The following TMCC1 variants were observed in gnomAD, a reference collection of about 807,000 sequenced individuals.
TMCC1 encodes transmembrane and coiled-coil domains protein 1.
In TMCC1, 15 loss-of-function variants were observed where a neutral mutation model predicts 52.4. That is an observed-to-expected ratio of 0.29 (90% CI 0.19 to 0.44). The LOEUF (loss-of-function observed/expected upper bound fraction) is 0.44, where lower values mean the gene tolerates loss of function less well. TMCC1 is among the 20% of genes least tolerant of loss of function. The pLI is 1.00. For missense variants in TMCC1, 503 were observed against 806.0 expected (o/e 0.62, Z 4.55); for synonymous variants, 279 against 301.9 (o/e 0.92, Z 0.79).
At chr3:129,724,967 C>T (rs2049956602) in intron 4 of TMCC1, among the ~76,000 whole-genome samples, 2 of 152,192 alleles carry the variant, frequency 1.3e-5, no homozygotes, top group South Asian at 4.1e-4. Context: ...TTTCAAGATA[C>T]ACTAGCTTTG....
intron 4 of TMCC1, among the ~76,000 whole-genome samples, chr3:129,735,321 A>AACACAT (rs566960946): frequency 1.0e-3 from 155 of 152,294 alleles, no homozygotes; most frequent in African/African-American, 3.3e-3. Context: ...ATGTTAGCTA[A>AACACAT]ACACACTTCG....
chr3:129,821,110 T>C (rs554744084), intron 4 of TMCC1, among the ~76,000 whole-genome samples: 1 of 152,356 alleles, frequency 6.6e-6, no homozygotes, highest in East Asian at 1.9e-4. Flanking sequence ...TACCGACTTT[T>C]TGACAGCCTG....
intron 4 of TMCC1, chr3:129,688,247 G>A (rs1315448054): frequency 1.0e-6 from 1 of 984,890 alleles, no homozygotes; most frequent in African/African-American, 1.7e-5. Flanking sequence ...TGCACTGCCA[G>A]AGAAAGCTTG....
chr3:129,882,424 C>T (rs939534003), intron 1 of TMCC1, among the ~76,000 whole-genome samples: 1 of 150,758 alleles, frequency 6.6e-6, no homozygotes, highest in Non-Finnish European at 1.5e-5. Context: ...TAGGAATGTA[C>T]GATGCTACAG....
intron 4 of TMCC1, among the ~76,000 whole-genome samples, chr3:129,698,240 G>A (rs2047555887): frequency 6.6e-6 from 1 of 152,126 alleles, no homozygotes; most frequent in Non-Finnish European, 1.5e-5. Flanking sequence ...GGCGAAGGAG[G>A]AGCAAAGGCA....
chr3:129,655,288 A>C (rs2086599032), intron 5 of TMCC1, among the ~76,000 whole-genome samples, 185 bp from the exon 6 acceptor site: 2 of 152,218 alleles, frequency 1.3e-5, no homozygotes, highest in African/African-American at 4.8e-5. Context: ...AGCTTGTCTC[A>C]AGGCCAAATC....
chr3:129,756,116 GAAAAAAAAA>G (rs2052987752), intron 4 of TMCC1, among the ~76,000 whole-genome samples: 1 of 117,988 alleles, frequency 8.5e-6, no homozygotes, highest in Non-Finnish European at 1.9e-5. Flanking sequence ...AAAAAAAAAA[GAAAAAAAAA>G]GAAAGAAAAA....
chr3:129,763,928 GT>G (rs1316409615), intron 4 of TMCC1, among the ~76,000 whole-genome samples: 1 of 151,512 alleles, frequency 6.6e-6, no homozygotes, highest in Non-Finnish European at 1.5e-5. Flanking sequence ...TTTAAAGATG[GT>G]TTACAGGAAG....
At chr3:129,669,600 A>G (rs904479105) in intron 5 of TMCC1, among the ~76,000 whole-genome samples, 6 of 152,128 alleles carry the variant, frequency 3.9e-5, no homozygotes, top group African/African-American at 1.4e-4. Flanking sequence ...ACACCCGGCT[A>G]ATTTTGTATT....
At chr3:129,887,362 G>A (rs1361466428) in intron 1 of TMCC1, among the ~76,000 whole-genome samples, 2 of 151,740 alleles carry the variant, frequency 1.3e-5, no homozygotes, top group African/African-American at 4.8e-5. Flanking sequence ...GCCAACATGG[G>A]GGAATCCCGT....
At chr3:129,862,417 G>A (rs922082282) in intron 2 of TMCC1, among the ~76,000 whole-genome samples, 5 of 152,090 alleles carry the variant, frequency 3.3e-5, no homozygotes, top group African/African-American at 1.2e-4. Context: ...TAGGAGAAAT[G>A]GGTGCATGAC....
At chr3:129,782,654 A>G (rs955747909) in intron 4 of TMCC1, among the ~76,000 whole-genome samples, 2 of 152,184 alleles carry the variant, frequency 1.3e-5, no homozygotes, top group African/African-American at 4.8e-5. Flanking sequence ...CTTACAGGGA[A>G]CTACTTTTAC....
At chr3:129,689,427 T>C (rs2089640884) in intron 4 of TMCC1, among the ~76,000 whole-genome samples, 1 of 152,218 alleles carries the variant, frequency 6.6e-6, no homozygotes. Flanking sequence ...GGAATTTAAA[T>C]GATTACAAAA....
At chr3:129,667,599 A>G (rs2087572072) in intron 5 of TMCC1, among the ~76,000 whole-genome samples, 1 of 152,182 alleles carries the variant, frequency 6.6e-6, no homozygotes, top group South Asian at 2.1e-4. Flanking sequence ...TTCATTCCAT[A>G]AAACTAGTCA....
At chr3:129,738,041 T>C (rs1260214595) in intron 4 of TMCC1, among the ~76,000 whole-genome samples, 2 of 151,952 alleles carry the variant, frequency 1.3e-5, no homozygotes, top group Non-Finnish European at 1.5e-5. Context: ...GAGGCTGACG[T>C]GGGCAGACCA....
At chr3:129,866,364 T>TATATACATATATACATAA (rs2060647213) in intron 2 of TMCC1, among the ~76,000 whole-genome samples, 1 of 142,186 alleles carries the variant, frequency 7.0e-6, no homozygotes, top group African/African-American at 2.6e-5. Context: ...AATATATATT[T>TATATACATATATACATAA]TATATATATA....
chr3:129,734,626 T>C (rs1447233023), intron 4 of TMCC1, among the ~76,000 whole-genome samples: 1 of 152,146 alleles, frequency 6.6e-6, no homozygotes, highest in East Asian at 1.9e-4. Context: ...GAGGCTGCAG[T>C]GAGCTGTGAT....
chr3:129,763,248 AAAT>A (rs1352231077), intron 4 of TMCC1, among the ~76,000 whole-genome samples: 1 of 143,752 alleles, frequency 7.0e-6, no homozygotes, highest in African/African-American at 2.6e-5. Context: ...ATAAATAAAT[AAAT>A]ATCATTATAT....
At chr3:129,799,539 G>A (rs574749666) in intron 4 of TMCC1, among the ~76,000 whole-genome samples, 10 of 152,232 alleles carry the variant, frequency 6.6e-5, no homozygotes, top group Non-Finnish European at 7.4e-5. Context: ...GGCCGGGCAC[G>A]GTGGCTCACG....
Sources: gnomAD v4.1 joint callset for allele counts (sites outside exome capture counted in the v4.1 genomes callset) on GRCh38, gnomAD v4.1.1 for gene constraint, MANE v1.5 for transcripts, NCBI Gene and HGNC (gene_info 2026-07-23, HGNC 2026-07-21) for gene names.